The following SS18L1 variants were observed in gnomAD, a reference collection of about 807,000 sequenced individuals.
SS18L1 encodes SS18L1 subunit of BAF chromatin remodeling complex, also known as calcium-responsive transactivator.
SS18L1 carries 32 observed loss-of-function variants against 70.3 expected under a neutral mutation model. The ratio of observed to expected loss-of-function variants is 0.46; its 90% CI spans 0.34 to 0.61. The LOEUF (loss-of-function observed/expected upper bound fraction) is 0.61, where lower values mean the gene tolerates loss of function less well. SS18L1 is among the 20% of genes least tolerant of loss of function. SS18L1 has a pLI of 0.01. For missense variants in SS18L1, 430 were observed against 542.1 expected (o/e 0.79, Z 2.05); for synonymous variants, 237 against 229.7 (o/e 1.03, Z -0.29).
chr20:62,164,012 G>A lies in SS18L1; in HGVS notation c.722-133G>A, dbSNP rs11699528. On this transcript the variant is annotated intron_variant, in intron 6 of 10. Transcript: ENST00000331758. ...AAAATACAAAACATAAGTTGGATAC[G>A]ATGACAGCGTGGGGTGTTCTCCTCG... is the stretch of plus-strand genomic sequence containing the variant. 2,799 of 719,190 alleles carry A rather than the reference G, an allele frequency of 3.9e-3. 12 individuals are homozygous for A. The highest frequency in any genetic ancestry group is 3.6e-3 in the Non-Finnish European group (1,576 of 436,848). 44.6% of individuals were successfully genotyped at this position (719,190 alleles called of 1,614,324 possible).
intron 10 of SS18L1, among the ~76,000 whole-genome samples, chr20:62,176,886 A>G (rs982401339): frequency 6.6e-6 from 1 of 152,232 alleles, no homozygotes; most frequent in African/African-American, 2.4e-5. Context: ...GCAAAATATT[A>G]AGATAGCCTT....
Position 62,143,792 on chromosome 20 carries a change from G to A in SS18L1, c.-29G>A. The A allele has an allele frequency of 1.5e-6, 2 of 1,337,864 alleles. No individual in the cohort carries two copies. Among genetic ancestry groups the A allele is most frequent in the East Asian group, 4.4e-5 (1 of 22,980 alleles). 82.9% of individuals were successfully genotyped at this position (1,337,864 alleles called of 1,614,324 possible). A position where few individuals can be genotyped will look rare whatever the true frequency, so the allele number is the denominator to read the frequency against. ...GCGCAGCCGGAGTATCCACCTCGAT[G>A]ACCACGGGCTGAGCCCCGCGCCGCC... On this transcript the variant is annotated 5_prime_UTR_variant, in exon 1 of 11. It removes an upstream start codon present in the reference 5' UTR. Transcript: ENST00000331758.
At chr20:62,169,860 T>A (rs934157879) in intron 8 of SS18L1, among the ~76,000 whole-genome samples, 13 of 150,784 alleles carry the variant, frequency 8.6e-5, no homozygotes, top group Admixed American at 8.6e-4. Flanking sequence ...CGTCCACACC[T>A]CCTGGAGTCC....
intron 1 of SS18L1, among the ~76,000 whole-genome samples, chr20:62,146,604 C>CCTTTTT (rs1339898731): frequency 8.8e-5 from 3 of 34,156 alleles, no homozygotes; most frequent in Admixed American, 3.5e-4. Flanking sequence ...CTGCTTTGAT[C>CCTTTTT]ATTTTTTTTT....
intron 8 of SS18L1, among the ~76,000 whole-genome samples, chr20:62,166,617 A>G (rs1294857255): frequency 6.6e-6 from 1 of 151,486 alleles, no homozygotes; most frequent in Non-Finnish European, 1.5e-5. Context: ...ACATGAATAC[A>G]TAATGAAAGT....
intron 1 of SS18L1, among the ~76,000 whole-genome samples, chr20:62,157,314 C>G (rs962718902): frequency 6.6e-6 from 1 of 152,198 alleles, no homozygotes; most frequent in Admixed American, 6.5e-5. Flanking sequence ...TTGGGGAGTG[C>G]TCCGGAGCCC....
chr20:62,158,560 C>G lies in SS18L1; in HGVS notation c.70-112C>G. On this transcript the variant is annotated intron_variant, in intron 1 of 10. Coordinates refer to ENST00000331758, the MANE Select transcript of SS18L1 (RefSeq NM_198935.3). This position sits in a 1 kb window ranked among gnomAD's most constrained non-coding sequence, Gnocchi z 4.5. ...GAAAAATCTGAAATCTGACACGTTT[C>G]ACGTAAGGGACGCTCAACCTATATG... is the stretch of plus-strand genomic sequence containing the variant. The G allele has an allele frequency of 6.8e-7, 1 of 1,476,788 alleles. No individual in the cohort carries two copies. Among genetic ancestry groups the G allele is most frequent in the Non-Finnish European group, 9.1e-7 (1 of 1,100,132 alleles). The allele number at this position is 1,476,788 out of a possible 1,614,324, so 91.5% of individuals were successfully genotyped here. A position where few individuals can be genotyped will look rare whatever the true frequency, so the allele number is the denominator to read the frequency against.
In SS18L1 at chr20:62,158,567, G is replaced by GC. The variant is rs2057264698; in HGVS notation, c.70-105_70-104insC. ...CTGAAATCTGACACGTTTCACGTAA[G>GC]GGACGCTCAACCTATATGAAAACTA... is the stretch of plus-strand genomic sequence containing the variant. On this transcript the variant is annotated intron_variant, in intron 1 of 10. Transcript: ENST00000331758. The surrounding 1 kb of genome is among the most constrained non-coding windows in gnomAD (Gnocchi z 4.5). The GC allele has an allele frequency of 6.7e-7, 1 of 1,498,586 alleles. No individual in the cohort carries two copies. The highest frequency in any genetic ancestry group is 9.0e-7 in the Non-Finnish European group (1 of 1,114,982). The allele number at this position is 1,498,586 out of a possible 1,614,324, so 92.8% of individuals were successfully genotyped here. A position where few individuals can be genotyped will look rare whatever the true frequency, so the allele number is the denominator to read the frequency against.
At chr20:62,164,895 AAAT>A (rs2057399894) in intron 7 of SS18L1, among the ~76,000 whole-genome samples, 1 of 152,196 alleles carries the variant, frequency 6.6e-6, no homozygotes, top group Non-Finnish European at 1.5e-5. Flanking sequence ...TCCTGTCTCT[AAAT>A]AAAGTAAAAA....
At chr20:62,148,548 G>A (rs1048919245) in intron 1 of SS18L1, among the ~76,000 whole-genome samples, 29 of 150,454 alleles carry the variant, frequency 1.9e-4, no homozygotes, top group Admixed American at 4.6e-4. Context: ...AGGGAGGCTC[G>A]GCCTCCTTGC....
intron 8 of SS18L1, among the ~76,000 whole-genome samples, chr20:62,170,693 C>T (rs1391521876): frequency 6.6e-6 from 1 of 152,252 alleles, no homozygotes; most frequent in Non-Finnish European, 1.5e-5. Flanking sequence ...CTGCAGTTAT[C>T]TCAGCAGCCC....
chr20:62,166,688 G>A (rs577044100), intron 8 of SS18L1, among the ~76,000 whole-genome samples: 1 of 151,896 alleles, frequency 6.6e-6, no homozygotes, highest in East Asian at 1.9e-4. Flanking sequence ...ACTTTAGGAA[G>A]CTGAGGTGGG....
chr20:62,175,812 T>C (rs532806570), intron 10 of SS18L1, among the ~76,000 whole-genome samples: 25 of 152,358 alleles, frequency 1.6e-4, no homozygotes, highest in Non-Finnish European at 2.9e-4. Context: ...CTAAAGACCA[T>C]GTAACACAGT....
intron 1 of SS18L1, among the ~76,000 whole-genome samples, chr20:62,153,951 C>T (rs527585610): frequency 2.6e-5 from 4 of 152,344 alleles, no homozygotes; most frequent in African/African-American, 4.8e-5. Context: ...TTAACGCCAC[C>T]TCACTTGCTG....
chr20:62,165,217 C>T (rs1407713289), intron 7 of SS18L1, among the ~76,000 whole-genome samples: 1 of 152,206 alleles, frequency 6.6e-6, no homozygotes, highest in East Asian at 1.9e-4. Context: ...ACAGTCGCCC[C>T]GAGAAGGAGG....
At chr20:62,176,638 A>G (rs868792609) in intron 10 of SS18L1, among the ~76,000 whole-genome samples, 3 of 152,266 alleles carry the variant, frequency 2.0e-5, no homozygotes, top group Middle Eastern at 3.4e-3. Context: ...AACATGGTGA[A>G]ACCCCATCTC....
intron 8 of SS18L1, among the ~76,000 whole-genome samples, chr20:62,171,607 G>A (rs751201514): frequency 3.9e-5 from 6 of 152,126 alleles, no homozygotes; most frequent in Non-Finnish European, 5.9e-5. Flanking sequence ...ATTCCAGTGT[G>A]CATTATCTCA....
At chr20:62,163,051 G>T in intron 5 of SS18L1, 120 bp downstream of exon 5, 2 of 1,363,246 alleles carry the variant, frequency 1.5e-6, no homozygotes, top group Non-Finnish European at 2.0e-6. Context: ...TGGAGGGGAG[G>T]GGCCCGTGAA....
intron 1 of SS18L1, among the ~76,000 whole-genome samples, chr20:62,144,640 C>G (rs984476327): frequency 6.6e-6 from 1 of 152,256 alleles, no homozygotes; most frequent in Non-Finnish European, 1.5e-5. Flanking sequence ...TCTTCTAGCT[C>G]CGTAAGTTCG....
Sources: allele counts gnomAD v4.1 joint callset (sites outside exome capture counted in the v4.1 genomes callset), GRCh38; gene constraint gnomAD v4.1.1; non-coding constraint Gnocchi (gnomAD v3.1); transcripts MANE v1.5; gene names NCBI Gene and HGNC (gene_info 2026-07-23, HGNC 2026-07-21).